SLC24A2: variants seen among roughly 807,000 people sequenced by gnomAD.
SLC24A2 encodes the protein sodium/potassium/calcium exchanger 2.
Under a neutral mutation model 62.0 loss-of-function variants are expected in SLC24A2, and 36 were observed. The observed-to-expected ratio is 0.58, with a 90% CI of 0.44 to 0.77. The LOEUF (loss-of-function observed/expected upper bound fraction) is 0.77, where lower values mean the gene tolerates loss of function less well. Ranked by LOEUF, SLC24A2 falls within the 30% of genes least tolerant of loss-of-function variation. The probability of loss-of-function intolerance (pLI) is 0.00; values close to 1 mark genes in which losing one functional copy is unlikely to be tolerated. For synonymous variants in SLC24A2, 358 were observed against 294.0 expected (o/e 1.22, Z -2.23); for missense variants, 846 against 817.9 (o/e 1.03, Z -0.42).
the SLC24A2 span, among the ~76,000 whole-genome samples, chr9:19,856,099 G>T: frequency 3.3e-5 from 5 of 152,114 alleles, no homozygotes; most frequent in African/African-American, 1.2e-4. Flanking sequence ...TGGTTGCATT[G>T]TGAAGTTCTT....
the SLC24A2 span, among the ~76,000 whole-genome samples, chr9:20,037,606 A>T: frequency 6.6e-6 from 1 of 152,250 alleles, no homozygotes; most frequent in Non-Finnish European, 1.5e-5. Context: ...AGGGTAAGTG[A>T]GTCAAATGTA....
At chr9:20,238,190 C>G in the SLC24A2 span, among the ~76,000 whole-genome samples, 2 of 152,298 alleles carry the variant, frequency 1.3e-5, no homozygotes, top group South Asian at 2.1e-4. Context: ...TACTTTGATA[C>G]TTTCACGTGT....
chr9:19,575,714 G>T (rs1336605313), intron 6 of SLC24A2, among the ~76,000 whole-genome samples: 1 of 152,138 alleles, frequency 6.6e-6, no homozygotes, highest in Non-Finnish European at 1.5e-5. Context: ...CAAGTCTAAG[G>T]TTGGCCAGTC....
chr9:19,799,807 T>A, the SLC24A2 span, among the ~76,000 whole-genome samples: 2 of 152,226 alleles, frequency 1.3e-5, no homozygotes, highest in Non-Finnish European at 2.9e-5. Context: ...CTCTCCATCA[T>A]ACTCTGTTTT....
chr9:19,902,619 G>A, the SLC24A2 span, among the ~76,000 whole-genome samples: 1 of 152,074 alleles, frequency 6.6e-6, no homozygotes, highest in African/African-American at 2.4e-5. Flanking sequence ...ATTTAATAAA[G>A]GCTCATTCTG....
chr9:19,603,676 G>A (rs548866956), intron 4 of SLC24A2, among the ~76,000 whole-genome samples: 1 of 152,210 alleles, frequency 6.6e-6, no homozygotes, highest in African/African-American at 2.4e-5. Flanking sequence ...GGTCTTATTT[G>A]CACTCTTCTT....
In SLC24A2 at chr9:19,507,617, A is replaced by T. The variant is rs1207922949; in HGVS notation, c.*8536T>A. 6.6e-6 allele frequency: 1 copy of T among 152,256 alleles called. No homozygotes were observed. Among genetic ancestry groups the T allele is most frequent in the Non-Finnish European group, 1.5e-5 (1 of 68,044 alleles). 9.4% of individuals were successfully genotyped at this position (152,256 alleles called of 1,614,324 possible). ...ATCAGAATGAAGTCCATGTGACAGA[A>T]GTACATACTTCAGACAGCCTATGTA... On this transcript the variant is annotated 3_prime_UTR_variant, in exon 11 of 11. Coordinates refer to ENST00000341998, the MANE Select transcript of SLC24A2 (RefSeq NM_020344.4).
chr9:19,799,779 T>C, the SLC24A2 span, among the ~76,000 whole-genome samples: 1 of 152,236 alleles, frequency 6.6e-6, no homozygotes, highest in Non-Finnish European at 1.5e-5. Flanking sequence ...ACTATAAATA[T>C]GCTTAATACG....
the SLC24A2 span, among the ~76,000 whole-genome samples, chr9:20,168,013 G>C: frequency 6.6e-6 from 1 of 151,914 alleles, no homozygotes; most frequent in Non-Finnish European, 1.5e-5. Context: ...ACACTGATCA[G>C]GGTTTCAAAC....
At chr9:20,273,402 G>A in the SLC24A2 span, among the ~76,000 whole-genome samples, 1 of 152,150 alleles carries the variant, frequency 6.6e-6, no homozygotes, top group Non-Finnish European at 1.5e-5. Context: ...GATATGATTT[G>A]CCTCCATGTC....
At chr9:19,594,475 C>G (rs546936833) in intron 5 of SLC24A2, among the ~76,000 whole-genome samples, 1 of 152,176 alleles carries the variant, frequency 6.6e-6, no homozygotes, top group East Asian at 1.9e-4. Context: ...AAAAACAAAA[C>G]AAAACCAACC....
intron 8 of SLC24A2, among the ~76,000 whole-genome samples, chr9:19,533,780 G>C (rs943408737): frequency 1.3e-5 from 2 of 152,174 alleles, no homozygotes; most frequent in South Asian, 4.1e-4. Context: ...CACTAGGTTG[G>C]GGTGGTATGT....
At chr9:19,569,260 A>C in intron 7 of SLC24A2, among the ~76,000 whole-genome samples, 1 of 152,246 alleles carries the variant, frequency 6.6e-6, no homozygotes, top group Non-Finnish European at 1.5e-5. Context: ...GGTCGTACAG[A>C]AACAGGCTGC....
chr9:19,902,155 T>A, the SLC24A2 span, among the ~76,000 whole-genome samples: 1 of 152,230 alleles, frequency 6.6e-6, no homozygotes, highest in African/African-American at 2.4e-5. Context: ...GTTGGTTGTG[T>A]CTAAACTGCA....
chr9:20,054,531 C>A, the SLC24A2 span, among the ~76,000 whole-genome samples: 1 of 152,064 alleles, frequency 6.6e-6, no homozygotes, highest in East Asian at 1.9e-4. Flanking sequence ...CACCCATCGC[C>A]CAAGCAGCAT....
At chr9:20,286,516 A>G in the SLC24A2 span, among the ~76,000 whole-genome samples, 2 of 152,244 alleles carry the variant, frequency 1.3e-5, no homozygotes, top group African/African-American at 4.8e-5. Flanking sequence ...CTTTTAAAAA[A>G]GGTTTTACAG....
the SLC24A2 span, among the ~76,000 whole-genome samples, chr9:20,254,481 G>A: frequency 6.6e-6 from 1 of 152,166 alleles, no homozygotes; most frequent in Admixed American, 6.5e-5. Flanking sequence ...GTGATGCAGG[G>A]GCAGGATATC....
chr9:19,571,039 C>T (rs550526316), intron 7 of SLC24A2, among the ~76,000 whole-genome samples: 4 of 152,344 alleles, frequency 2.6e-5, no homozygotes, highest in African/African-American at 9.6e-5. Context: ...CAGCAAGGTC[C>T]TCCCTTGCAG....
At chr9:20,280,898 A>G in the SLC24A2 span, among the ~76,000 whole-genome samples, 2 of 152,214 alleles carry the variant, frequency 1.3e-5, no homozygotes, top group Non-Finnish European at 2.9e-5. Flanking sequence ...TGGAGCCACC[A>G]GAAGCAGGAG....
Sources: allele counts gnomAD v4.1 joint callset (sites outside exome capture counted in the v4.1 genomes callset), GRCh38; gene constraint gnomAD v4.1.1; transcripts MANE v1.5; gene names NCBI Gene and HGNC (gene_info 2026-07-23, HGNC 2026-07-21).